Variants in TMEM177 observed in about 807,000 individuals in gnomAD.
The protein encoded by TMEM177 is transmembrane protein 177.
In TMEM177, 4 loss-of-function variants were observed where a neutral mutation model predicts 14.2. That is an observed-to-expected ratio of 0.28 (90% CI 0.14 to 0.64). The LOEUF (loss-of-function observed/expected upper bound fraction) is 0.64, where lower values mean the gene tolerates loss of function less well. Ranked by LOEUF, TMEM177 falls within the 30% of genes least tolerant of loss-of-function variation. The probability of loss-of-function intolerance (pLI) is 0.82; values close to 1 mark genes in which losing one functional copy is unlikely to be tolerated. For missense variants in TMEM177, 344 were observed against 405.2 expected (o/e 0.85, Z 1.30); for synonymous variants, 179 against 174.5 (o/e 1.03, Z -0.20).
chr2:119,711,147 G>A, the TMEM177 span, among the ~76,000 whole-genome samples: 4 of 152,168 alleles, frequency 2.6e-5, no homozygotes, highest in Admixed American at 1.3e-4. Flanking sequence ...TGAGGGAAGC[G>A]CAGGCAGTGG....
chr2:119,685,719 CA>C (rs1171385816), downstream of TMEM177: 1 of 718,016 alleles, frequency 1.4e-6, no homozygotes, highest in South Asian at 1.5e-5. Context: ...TTGTAAGTGG[CA>C]GAACAAGGAT....
chr2:119,685,419 G>A (rs546454550), downstream of TMEM177, among the ~76,000 whole-genome samples: 7 of 151,376 alleles, frequency 4.6e-5, no homozygotes, highest in African/African-American at 1.7e-4. Context: ...AGCTGGGCGC[G>A]CACACACACA....
At chr2:119,709,782 G>A in the TMEM177 span, among the ~76,000 whole-genome samples, 2 of 152,118 alleles carry the variant, frequency 1.3e-5, no homozygotes, top group African/African-American at 2.4e-5. Flanking sequence ...CCGAGATCGC[G>A]CCACTGCGCT....
At chr2:119,716,949 A>G in the TMEM177 span, among the ~76,000 whole-genome samples, 1 of 152,232 alleles carries the variant, frequency 6.6e-6, no homozygotes, top group African/African-American at 2.4e-5. Context: ...TTTGAACGTA[A>G]AAACATAAAT....
chr2:119,699,983 T>C, the TMEM177 span: 1 of 361,280 alleles, frequency 2.8e-6, no homozygotes, highest in African/African-American at 2.1e-5. Context: ...AAAATGCCCC[T>C]CCAGACTTAG....
At chr2:119,705,607 C>T in the TMEM177 span, among the ~76,000 whole-genome samples, 1 of 131,414 alleles carries the variant, frequency 7.6e-6, no homozygotes. Context: ...CTCCCTTCAG[C>T]CCACTCAGAT....
At chr2:119,687,599 A>G (rs1689035544), downstream of TMEM177, among the ~76,000 whole-genome samples, 1 of 152,148 alleles carries the variant, frequency 6.6e-6, no homozygotes, top group South Asian at 2.1e-4. Context: ...CATCCCCATG[A>G]TTCAGTTACC....
At chr2:119,700,126 T>G in the TMEM177 span, 7 of 242,002 alleles carry the variant, frequency 2.9e-5, no homozygotes, top group Admixed American at 2.4e-4. Flanking sequence ...CAGAAGAAAC[T>G]AAAGAAACAA....
Position 119,682,018 on chromosome 2 carries a change from G to T in TMEM177, c.*229G>T. ...TTTGTTTCTTGAACTGTAAAGTGGA[G>T]ATGATGTAAACCGCCTTGCAAGATT... On this transcript the variant is annotated 3_prime_UTR_variant, in exon 2 of 2. Coordinates refer to ENST00000272521, the MANE Select transcript of TMEM177 (RefSeq NM_030577.3). The T allele has an allele frequency of 1.9e-6, 1 of 517,172 alleles. No individual in the cohort carries two copies. The highest frequency in any genetic ancestry group is 3.1e-5 in the East Asian group (1 of 32,254). The allele number at this position is 517,172 out of a possible 1,614,324, so 32.0% of individuals were successfully genotyped here. A position where few individuals can be genotyped will look rare whatever the true frequency, so the allele number is the denominator to read the frequency against.
In TMEM177 at chr2:119,680,834, T is replaced by G; in HGVS notation, c.-20T>G. On this transcript the variant is annotated splice_region_variant and 5_prime_UTR_variant, in exon 2 of 2. In the 5' UTR this introduces an upstream ATG that the reference lacks. Transcript: ENST00000272521. ...GACTTCTCTTTTTCTTGGCCCAGAT[T>G]GTCCGCAGTGACTACACTCATGGCA... 6.3e-7 allele frequency: 1 copy of G among 1,599,258 alleles called. No homozygotes were observed. Among genetic ancestry groups the G allele is most frequent in the Non-Finnish European group, 8.5e-7 (1 of 1,169,792 alleles).
chr2:119,713,874 GC>G, the TMEM177 span, among the ~76,000 whole-genome samples: 1 of 152,198 alleles, frequency 6.6e-6, no homozygotes, highest in Non-Finnish European at 1.5e-5. Context: ...CAGTCAAGGA[GC>G]CTGCTCTACC....
At chr2:119,714,049 A>G in the TMEM177 span, among the ~76,000 whole-genome samples, 6 of 152,226 alleles carry the variant, frequency 3.9e-5, no homozygotes, top group Admixed American at 3.9e-4. Context: ...GTGGCTGAAC[A>G]GATGAGTGGT....
chr2:119,680,698 C>G (rs1688871629), intron 1 of TMEM177, 134 bp from the exon 2 acceptor site: 2 of 679,186 alleles, frequency 2.9e-6, no homozygotes, highest in Non-Finnish European at 4.9e-6. Context: ...CACAGGCACT[C>G]TGGCTCTAGA....
the TMEM177 span, among the ~76,000 whole-genome samples, chr2:119,703,409 G>C: frequency 1.3e-5 from 2 of 152,136 alleles, no homozygotes. Context: ...GGCAGATGTT[G>C]ACAAATAATT....
At chr2:119,702,322 C>A in the TMEM177 span, among the ~76,000 whole-genome samples, 1 of 152,268 alleles carries the variant, frequency 6.6e-6, no homozygotes, top group East Asian at 1.9e-4. Context: ...ACCAATGTAA[C>A]AAGTGAAGGG....
the TMEM177 span, among the ~76,000 whole-genome samples, chr2:119,716,987 TC>T: frequency 6.6e-6 from 1 of 152,262 alleles, no homozygotes; most frequent in Admixed American, 6.5e-5. Context: ...GTTTACTTCT[TC>T]CTTCACCTCT....
At chr2:119,712,739 A>G in the TMEM177 span, among the ~76,000 whole-genome samples, 1 of 152,238 alleles carries the variant, frequency 6.6e-6, no homozygotes, top group African/African-American at 2.4e-5. Context: ...TTTTATTACC[A>G]GCATGCATGC....
downstream of TMEM177, among the ~76,000 whole-genome samples, chr2:119,688,548 C>T (rs562317823): frequency 2.0e-4 from 31 of 152,108 alleles, no homozygotes; most frequent in Non-Finnish European, 2.1e-4. Flanking sequence ...GTAGCTGTAA[C>T]GCAATGGTGA....
chr2:119,699,759 A>G, the TMEM177 span: 1 of 211,314 alleles, frequency 4.7e-6, no homozygotes, highest in Non-Finnish European at 9.8e-6. Flanking sequence ...GGATGGGGAC[A>G]CAGAGCCAGA....
Sources: allele counts gnomAD v4.1 joint callset (sites outside exome capture counted in the v4.1 genomes callset), GRCh38; gene constraint gnomAD v4.1.1; transcripts MANE v1.5; gene names NCBI Gene and HGNC (gene_info 2026-07-23, HGNC 2026-07-21).